Variants in CSMD1 observed in about 807,000 individuals in gnomAD.
The protein encoded by CSMD1 is CUB and Sushi multiple domains 1.
CSMD1 carries 213 observed loss-of-function variants against 417.5 expected under a neutral mutation model. The ratio of observed to expected loss-of-function variants is 0.51; its 90% CI spans 0.46 to 0.57. CSMD1 has a LOEUF of 0.57. CSMD1 is among the 20% of genes least tolerant of loss of function. The pLI, the probability that CSMD1 is intolerant of heterozygous loss-of-function variation, is 0.00. For synonymous variants in CSMD1, 2,862 were observed against 1,736.8 expected (o/e 1.65, Z -16.11); for missense variants, 6,923 against 4,529.7 (o/e 1.53, Z -15.17).
chr8:4,046,761 C>A (rs5002849), intron 3 of CSMD1, among the ~76,000 whole-genome samples: 11,398 of 152,210 alleles, frequency 0.075, 922 homozygotes, highest in African/African-American at 0.19. Flanking sequence ...ATAACACACA[C>A]ACATATTGTA....
intron 1 of CSMD1, among the ~76,000 whole-genome samples, chr8:4,738,240 A>C (rs1448457436): frequency 6.6e-6 from 1 of 152,186 alleles, no homozygotes; most frequent in Non-Finnish European, 1.5e-5. Flanking sequence ...ATATTTATCC[A>C]TCTGTATTAG....
At chr8:3,565,088 AT>A (rs1799641220) in intron 10 of CSMD1, among the ~76,000 whole-genome samples, 1 of 143,266 alleles carries the variant, frequency 7.0e-6, no homozygotes. Context: ...TAAAATAAAT[AT>A]TGAAAAAAAA....
chr8:3,230,011 T>TAA, intron 27 of CSMD1, 29 bp downstream of exon 27: 1 of 1,459,446 alleles, frequency 6.9e-7, no homozygotes, highest in Non-Finnish European at 9.2e-7. Flanking sequence ...TTCCTGAATA[T>TAA]AAAATTTCTA....
chr8:4,546,194 C>T (rs755853486), intron 2 of CSMD1, among the ~76,000 whole-genome samples: 1 of 152,230 alleles, frequency 6.6e-6, no homozygotes, highest in Non-Finnish European at 1.5e-5. Flanking sequence ...GTTATATCTA[C>T]GGGCCTTGGC....
chr8:4,521,319 G>A (rs1255040797), intron 2 of CSMD1, among the ~76,000 whole-genome samples: 1 of 152,116 alleles, frequency 6.6e-6, no homozygotes, highest in Non-Finnish European at 1.5e-5. Flanking sequence ...GTAAAGATAG[G>A]AAATGGGAAG....
At chr8:4,639,394 A>C (rs957373377) in intron 1 of CSMD1, among the ~76,000 whole-genome samples, 1 of 151,914 alleles carries the variant, frequency 6.6e-6, no homozygotes, top group Non-Finnish European at 1.5e-5. Context: ...TCTCATAAAC[A>C]CACTCTGCTC....
At chr8:3,658,392 C>T (rs1798235833) in intron 7 of CSMD1, among the ~76,000 whole-genome samples, 1 of 149,896 alleles carries the variant, frequency 6.7e-6, no homozygotes, top group Non-Finnish European at 1.5e-5. Context: ...GTAAATCATC[C>T]CAATCTTAAA....
chr8:4,282,607 G>A (rs1029575607), intron 3 of CSMD1, among the ~76,000 whole-genome samples: 15 of 152,138 alleles, frequency 9.9e-5, no homozygotes, highest in African/African-American at 3.6e-4. Context: ...TACAGTCAGG[G>A]AGAAAGGTAG....
intron 2 of CSMD1, among the ~76,000 whole-genome samples, chr8:4,455,515 G>A (rs903876228): frequency 6.6e-6 from 1 of 152,178 alleles, no homozygotes; most frequent in South Asian, 2.1e-4. Flanking sequence ...TGTCTCTGCA[G>A]CTGGACCAGA....
chr8:4,574,420 C>T (rs1055608055), intron 2 of CSMD1, among the ~76,000 whole-genome samples: 5 of 152,150 alleles, frequency 3.3e-5, no homozygotes, highest in African/African-American at 9.7e-5. Flanking sequence ...GGCAATGCCC[C>T]ACCCTTCTTC....
At chr8:3,293,832 A>C (rs150847867) in intron 25 of CSMD1, among the ~76,000 whole-genome samples, 4,198 of 152,274 alleles carry the variant, frequency 0.028, 190 homozygotes, top group African/African-American at 0.09. Flanking sequence ...TCAACTTGTC[A>C]AAGTCATTCT....
chr8:3,803,701 A>C (rs1300258543), intron 5 of CSMD1, among the ~76,000 whole-genome samples: 2 of 152,126 alleles, frequency 1.3e-5, no homozygotes, highest in East Asian at 3.9e-4. Flanking sequence ...CAGAATTAGG[A>C]GTTTGGATTT....
At chr8:3,304,110 G>A (rs908039831) in intron 25 of CSMD1, among the ~76,000 whole-genome samples, 1 of 152,046 alleles carries the variant, frequency 6.6e-6, no homozygotes, top group Non-Finnish European at 1.5e-5. Flanking sequence ...CCAAGATCCG[G>A]CTGTTTATTC....
At chr8:4,050,982 G>A (rs1041646923) in intron 3 of CSMD1, among the ~76,000 whole-genome samples, 1 of 152,062 alleles carries the variant, frequency 6.6e-6, no homozygotes, top group Admixed American at 6.5e-5. Context: ...AGATGGAGGA[G>A]GAGTGACATG....
chr8:3,297,346 C>T (rs1007087030), intron 25 of CSMD1, among the ~76,000 whole-genome samples: 4 of 152,050 alleles, frequency 2.6e-5, no homozygotes, highest in African/African-American at 7.2e-5. Context: ...TATGGAAGTG[C>T]AGAAGGCCAA....
chr8:3,781,823 T>C (rs1418696839), intron 5 of CSMD1, among the ~76,000 whole-genome samples: 1 of 152,210 alleles, frequency 6.6e-6, no homozygotes, highest in African/African-American at 2.4e-5. Context: ...TTTTATGATT[T>C]TGCTCTCTAT....
intron 4 of CSMD1, among the ~76,000 whole-genome samples, chr8:4,011,304 T>C (rs1448814395): frequency 6.6e-6 from 1 of 152,178 alleles, no homozygotes; most frequent in Non-Finnish European, 1.5e-5. Flanking sequence ...GGAGAATTGC[T>C]CTCTGCATAT....
intron 1 of CSMD1, among the ~76,000 whole-genome samples, chr8:4,868,566 T>C (rs999268636): frequency 6.6e-6 from 1 of 152,032 alleles, no homozygotes; most frequent in African/African-American, 2.4e-5. Flanking sequence ...ACCGTTATTA[T>C]TAAAAAACCA....
chr8:4,878,051 G>C (rs1257587645), intron 1 of CSMD1, among the ~76,000 whole-genome samples: 1 of 152,054 alleles, frequency 6.6e-6, no homozygotes, highest in African/African-American at 2.4e-5. Context: ...TTTGATCTGA[G>C]CTTAAGAATC....
Sources: allele counts gnomAD v4.1 joint callset (sites outside exome capture counted in the v4.1 genomes callset), GRCh38; gene constraint gnomAD v4.1.1; transcripts MANE v1.5; gene names NCBI Gene and HGNC (gene_info 2026-07-23, HGNC 2026-07-21).